INTS10: variants seen among roughly 807,000 people sequenced by gnomAD.
INTS10 encodes chromosome 8 open reading frame 35.
INTS10 carries 44 observed loss-of-function variants against 94.4 expected under a neutral mutation model. The observed-to-expected ratio is 0.47, with a 90% CI of 0.37 to 0.60. The LOEUF (loss-of-function observed/expected upper bound fraction) is 0.60. Ranked by LOEUF, INTS10 falls within the 20% of genes least tolerant of loss-of-function variation. INTS10 has a pLI of 0.00. For synonymous variants in INTS10, 341 were observed against 320.7 expected (o/e 1.06, Z -0.68); for missense variants, 797 against 868.7 (o/e 0.92, Z 1.04).
At chr8:19,818,627 A>T (rs2066126647) in intron 2 of INTS10, 2 of 423,074 alleles carry the variant, frequency 4.7e-6, no homozygotes, top group Non-Finnish European at 4.3e-6. Flanking sequence ...ACTACTTGTT[A>T]TAGAGAACAA....
Position 19,830,483 on chromosome 8 carries a change from C to T in INTS10, c.1218C>T (p.Ser406=), listed in dbSNP as rs772805791. The part of the protein sequence containing the change: ...IVVNKAELAN[S]TEVLESFKLA... ...TCAATAAAGCCGAACTTGCTAACTC[C>T]ACTGAAGTGTTAGAAAGCTTTAAAT... Residue 406 remains serine (S), a synonymous_variant, in exon 10 of 17, where the codon TCC becomes TCT. Coordinates refer to ENST00000397977, the MANE Select transcript of INTS10 (RefSeq NM_018142.4). 51 of 1,613,776 alleles carry T rather than the reference C, an allele frequency of 3.2e-5. No individual in the cohort carries two copies. The Middle Eastern group carries it at 4.9e-4, about 16-fold the overall frequency.
Position 19,851,188 on chromosome 8 carries a change from A to G in INTS10, c.1977-461A>G, listed in dbSNP as rs1001749142. ...TCTGGGAGCACCAGCTGCGGGGGCC[A>G]TGGTGGGAGCTCACTTGGGTGATTG... is the stretch of plus-strand genomic sequence containing the variant. On this transcript the variant is annotated intron_variant, in intron 16 of 16. Transcript: ENST00000397977. The surrounding 1 kb of genome is among the most constrained non-coding windows in gnomAD (Gnocchi z 5.0). 2.0e-5 allele frequency among the ~76,000 whole-genome samples: 3 copies of G among 152,136 alleles called. No individual in the cohort carries two copies. The highest frequency in any genetic ancestry group is 6.5e-5 in the Admixed American group (1 of 15,282).
Position 19,817,654 on chromosome 8 carries a change from C to G in INTS10, c.117C>G (p.Asp39Glu). Residue 39 changes from aspartate to glutamate, a missense_variant, in exon 1 of 17, where the codon GAC (aspartate) becomes GAG (glutamate). Transcript: ENST00000397977. ...CGGCCCGCAGCCTCTACCCGGCAGA[C>G]TTTAACATCCAGGTGAGGTCCCGGC... ...LITARSLYPA[D>E]FNIQYEMYTI... is the part of the protein sequence containing the mutation. The G allele has an allele frequency of 6.2e-7, 1 of 1,607,204 alleles. No individual in the cohort carries two copies. The highest frequency in any genetic ancestry group is 8.5e-7 in the Non-Finnish European group (1 of 1,177,510).
intron 9 of INTS10, among the ~76,000 whole-genome samples, chr8:19,827,405 A>G (rs6586869): frequency 0.042 from 6,348 of 152,124 alleles, 437 homozygotes; most frequent in African/African-American, 0.14. Flanking sequence ...TCTCTGCAGC[A>G]TCCTCCTTGC....
chr8:19,842,320 C>A (rs539652145), intron 13 of INTS10, among the ~76,000 whole-genome samples: 1 of 152,234 alleles, frequency 6.6e-6, no homozygotes, highest in East Asian at 1.9e-4. Flanking sequence ...AGGATACATA[C>A]AAAATGACAC....
rs777427812 is a variant in INTS10 at position 19,851,733 on chromosome 8, A to G, written c.2061A>G (p.Gly687=). Residue 687 remains glycine, a synonymous_variant, in exon 17 of 17, where the codon GGA becomes GGG. Coordinates refer to ENST00000397977, the MANE Select transcript of INTS10 (RefSeq NM_018142.4). This position sits in a 1 kb window ranked among gnomAD's most constrained non-coding sequence, Gnocchi z 5.0. The part of the protein sequence containing the change: ...LAMERQVSRC[G]ENLMVVLHRF... ...TGGAGCGCCAGGTCTCCCGCTGTGG[A>G]GAGAATCTGATGGTGGTTCTGCACA... 3.1e-6 allele frequency: 5 copies of G among 1,614,126 alleles called. No homozygotes were observed. In the East Asian group the frequency reaches 1.1e-4, roughly 36 times the overall value.
intron 13 of INTS10, 76 bp downstream of exon 13, chr8:19,837,236 C>A: frequency 1.1e-6 from 1 of 927,564 alleles, no homozygotes; most frequent in Non-Finnish European, 1.8e-6. Context: ...CACTTGTAAT[C>A]TCAGCTACTC....
At position 19,842,885 on chromosome 8, in the gene INTS10, T is replaced by C. The variant is rs374336939; in HGVS notation, c.1677T>C (p.Ala559=). 1 of 1,613,372 alleles carries C rather than the reference T, an allele frequency of 6.2e-7. No individual in the cohort carries two copies. The highest frequency in any genetic ancestry group is 1.3e-5 in the African/African-American group (1 of 75,024). The change falls in exon 14 of 17, where the codon GCT becomes GCC. Residue 559 remains alanine, a synonymous_variant. Transcript: ENST00000397977. ...DLKLLPCTSK[A]IMPYCLHLML... ...AGCTCCTGCCTTGTACCAGCAAGGC[T>C]ATCATGCCATACTGCCTCCATTTAA...
intron 9 of INTS10, among the ~76,000 whole-genome samples, chr8:19,828,867 GT>G (rs1470790443): frequency 2.0e-5 from 3 of 152,066 alleles, no homozygotes; most frequent in Non-Finnish European, 4.4e-5. Flanking sequence ...TGGTAGACAG[GT>G]TTTGATTGGA....
chr8:19,828,374 C>T (rs1226199159), intron 9 of INTS10, among the ~76,000 whole-genome samples: 1 of 152,214 alleles, frequency 6.6e-6, no homozygotes, highest in Non-Finnish European at 1.5e-5. Context: ...GCTGACATCA[C>T]AGACTCATGT....
At chr8:19,834,528 A>C (rs1167859474) in intron 12 of INTS10, among the ~76,000 whole-genome samples, 2 of 152,216 alleles carry the variant, frequency 1.3e-5, no homozygotes, top group East Asian at 1.9e-4. Flanking sequence ...AGAATTAGCT[A>C]TACTGCATAC....
chr8:19,822,600 A>G, intron 5 of INTS10, 80 bp downstream of exon 5: 1 of 848,276 alleles, frequency 1.2e-6, no homozygotes, highest in Non-Finnish European at 1.9e-6. Context: ...ATAAGCTCAT[A>G]TATGAAAGGC....
intron 12 of INTS10, among the ~76,000 whole-genome samples, chr8:19,835,827 C>G (rs1484672036): frequency 1.3e-5 from 2 of 152,166 alleles, no homozygotes; most frequent in Non-Finnish European, 2.9e-5. Context: ...CTGGGGCCAC[C>G]CAAGGTCAAT....
At chr8:19,825,574 T>C (rs1195739302) in intron 8 of INTS10, among the ~76,000 whole-genome samples, 1 of 151,484 alleles carries the variant, frequency 6.6e-6, no homozygotes, top group Non-Finnish European at 1.5e-5. Flanking sequence ...TTTAAGTAGA[T>C]TTCATGAAGA....
At chr8:19,845,871 G>A in intron 16 of INTS10, 74 bp downstream of exon 16, 1 of 977,504 alleles carries the variant, frequency 1.0e-6, no homozygotes. Context: ...ATTTGTAAAT[G>A]TCTATACCTA....
At chr8:19,845,631 C>T (rs1032978582) in intron 15 of INTS10, 73 bp from the exon 16 acceptor site, 23 of 1,038,290 alleles carry the variant, frequency 2.2e-5, no homozygotes, top group Admixed American at 1.4e-4. Flanking sequence ...ACTCAACTGC[C>T]GAGACCCCAT....
Position 19,849,309 on chromosome 8 carries a change from G to A in INTS10, c.1977-2340G>A, listed in dbSNP as rs2068833473. ...ACATGTTCGCTGCCCATGGTTCTCA[G>A]CTCTTCGTTCCTCAGTGCTCTTTTT... On this transcript the variant is annotated intron_variant, in intron 16 of 16. Transcript: ENST00000397977. This position sits in a 1 kb window ranked among gnomAD's most constrained non-coding sequence, Gnocchi z 4.6. 4 of 721,464 alleles carry A rather than the reference G, an allele frequency of 5.5e-6. No homozygotes were observed. The highest frequency in any genetic ancestry group is 1.5e-5 in the South Asian group (1 of 64,794). The allele number at this position is 721,464 out of a possible 1,614,324, so 44.7% of individuals were successfully genotyped here. A position where few individuals can be genotyped will look rare whatever the true frequency, so the allele number is the denominator to read the frequency against.
At position 19,825,215 on chromosome 8, in the gene INTS10, T is replaced by C. The variant is rs1194384359; in HGVS notation, c.1006+243T>C. 2.0e-5 allele frequency among the ~76,000 whole-genome samples: 3 copies of C among 152,166 alleles called. No individual in the cohort carries two copies. In the East Asian group the frequency reaches 5.8e-4, roughly 29 times the overall value. ...GGTACTGCACAACTAAAAAGAGATA[T>C]CAAATGCCACTATTTTGAAAATAAC... On this transcript the variant is annotated intron_variant, in intron 8 of 16. Transcript: ENST00000397977.
rs1244196847 is a variant in INTS10 at position 19,817,679 on chromosome 8, C to T, written c.129+13C>T. 6.2e-7 allele frequency: 1 copy of T among 1,600,168 alleles called. No individual in the cohort carries two copies. On this transcript the variant is annotated intron_variant, in intron 1 of 16. Transcript: ENST00000397977. Reference sequence around the variant, plus strand: ...CTTTAACATCCAGGTGAGGTCCCGGCTGTGCATGCGGCCGCTCTGCGTGGA... The same window carrying T: ...CTTTAACATCCAGGTGAGGTCCCGGTTGTGCATGCGGCCGCTCTGCGTGGA...
Sources: allele counts gnomAD v4.1 joint callset (sites outside exome capture counted in the v4.1 genomes callset), GRCh38; gene constraint gnomAD v4.1.1; non-coding constraint Gnocchi (gnomAD v3.1); transcripts MANE v1.5; gene names NCBI Gene and HGNC (gene_info 2026-07-23, HGNC 2026-07-21).